The following TTN variants were observed in gnomAD, a reference collection of about 807,000 sequenced individuals.
The protein encoded by TTN is connectin.
Under a neutral mutation model 3,223.0 loss-of-function variants are expected in TTN, and 1,525 were observed. The observed-to-expected ratio is 0.47, with a 90% CI of 0.45 to 0.49. The LOEUF (loss-of-function observed/expected upper bound fraction) is 0.49. TTN is among the 20% of genes least tolerant of loss of function. The pLI is 0.00. For missense variants in TTN, 40,786 were observed against 43,424.0 expected, an observed-to-expected ratio of 0.94 and a Z score of 5.40; for synonymous variants, 14,094 against 15,161.0, an observed-to-expected ratio of 0.93 and a Z score of 5.17.
At chr2:178,744,362 G>T in intron 47 of TTN, 1 of 983,566 alleles carries the variant, frequency 1.0e-6, no homozygotes, top group Non-Finnish European at 1.2e-6. Flanking sequence ...ATTGTTGAAT[G>T]ATCACCTCTA....
At chr2:178,710,550 C>T in intron 98 of TTN, 85 bp downstream of exon 98, 1 of 1,435,574 alleles carries the variant, frequency 7.0e-7, no homozygotes, top group South Asian at 1.5e-5. Flanking sequence ...TCCTAAATTG[C>T]ATTCATCATC....
intron 223 of TTN, 26 bp downstream of exon 223, chr2:178,639,673 C>G (rs1233206760): frequency 6.2e-7 from 1 of 1,607,994 alleles, no homozygotes; most frequent in Admixed American, 1.7e-5. Flanking sequence ...AACAAACTAG[C>G]AAAAAGAAAG....
At chr2:178,689,675 G>C in intron 122 of TTN, 80 bp from the exon 123 acceptor site, 1 of 1,451,920 alleles carries the variant, frequency 6.9e-7, no homozygotes, top group Non-Finnish European at 9.4e-7. Flanking sequence ...AAAGCAGACG[G>C]GTGGACAGAC....
At position 178,722,735 on chromosome 2, in the gene TTN, A is replaced by C; in HGVS notation, c.22164T>G (p.Asn7388Lys). The C allele has an allele frequency of 6.2e-7, 1 of 1,613,200 alleles. No individual in the cohort carries two copies. The highest frequency in any genetic ancestry group is 8.5e-7 in the Non-Finnish European group (1 of 1,179,496). Residue 7388 changes from asparagine (N) to lysine (K), a missense_variant, in exon 76 of 363, where the codon AAT (asparagine) becomes AAG (lysine). Transcript: ENST00000589042. ...CTTTGCATGTGTACTCTCCACTGTC[A>C]TTGATGTTCACTTTATTAAAAACAA... ...ATLVFNKVNI[N>K]DSGEYTCKAE...
In TTN at chr2:178,582,955, T is replaced by A; in HGVS notation, c.65848A>T (p.Lys21950Ter). The A allele has an allele frequency of 6.5e-7, 1 of 1,536,506 alleles. No homozygotes were observed. Among genetic ancestry groups the A allele is most frequent in the Non-Finnish European group, 8.8e-7 (1 of 1,140,404 alleles). Residue 21950 changes from lysine to a stop codon, truncating the protein, a stop_gained, in exon 313 of 363, where the codon AAG becomes TAG. Transcript: ENST00000589042. LOFTEE classifies it high-confidence loss of function. ...TATTAGTTACCTAACACTTTAAGCT[T>A]AATGGTGGCTGATTTAGAACCACTT... ...NSSGSKSATI[K>*]LKVLDKPGPP...
Position 178,577,642 on chromosome 2 carries a change from T to C in TTN, c.68784A>G (p.Pro22928=), listed in dbSNP as rs2154173941. Residue 22928 remains proline, a synonymous_variant, in exon 323 of 363, where the codon CCA becomes CCG. Coordinates refer to ENST00000589042, the MANE Select transcript of TTN (RefSeq NM_001267550.2). ...AKNTAGAISA[P]SESTETIICK... ...AAATAATGGTTTCTGTACTTTCTGA[T>C]GGAGCACTGATAGCACCTGCTGTAT... 1 of 1,612,896 alleles carries C rather than the reference T, an allele frequency of 6.2e-7. No homozygotes were observed. The highest frequency in any genetic ancestry group is 8.5e-7 in the Non-Finnish European group (1 of 1,179,422).
At chr2:178,675,272 A>G (rs900771421) in intron 149 of TTN, 159 bp from the exon 150 acceptor site, 13 of 491,840 alleles carry the variant, frequency 2.6e-5, no homozygotes, top group Non-Finnish European at 4.2e-5. Flanking sequence ...AGAAAAGAAT[A>G]AAAAGGTTTG....
chr2:178,650,000 A>C, intron 210 of TTN, 106 bp from the exon 211 acceptor site: 1 of 1,388,798 alleles, frequency 7.2e-7, no homozygotes, highest in Non-Finnish European at 1.0e-6. Context: ...TGTGGGACCA[A>C]ATTCTGTGGG....
rs1060500482 is a variant in TTN at position 178,709,652 on chromosome 2, G to A, written c.28667C>T (p.Ala9556Val). 8 of 1,613,888 alleles carry A rather than the reference G, an allele frequency of 5.0e-6. No individual in the cohort carries two copies. The highest frequency in any genetic ancestry group is 1.1e-5 in the South Asian group (1 of 91,084). The stretch of plus-strand genomic sequence containing the variant: ...GTACAAACCAGCGTCGTTCATGCCT[G>A]CTTTCCTGACTTGCAGCACTAACGT... Reference protein sequence around the residue: ...NNTLVLQVRKAGMNDAGLYTC... With the variant: ...NNTLVLQVRKVGMNDAGLYTC... Residue 9556 changes from alanine to valine, a missense_variant, in exon 99 of 363, where the codon GCA becomes GTA. By Grantham distance (64) the Ala-to-Val change is moderately conservative. Transcript: ENST00000589042.
rs774842728 is a variant in TTN, at chr2:178,672,676, A to T, written c.34814T>A (p.Val11605Glu). The T allele has an allele frequency of 1.9e-6, 3 of 1,608,890 alleles. No homozygotes were observed. The highest frequency in any genetic ancestry group is 2.5e-6 in the Non-Finnish European group (3 of 1,177,140). ...CTCTTTTTTCTGAACAGGAACAGGTACTTTTTCCTCAGGAATTTTCTTTGA... is the reference window on the plus strand; with the variant it reads ...CTCTTTTTTCTGAACAGGAACAGGTTCTTTTTCCTCAGGAATTTTCTTTGA... ...KVSKKIPEEK[V>E]PVPVQKKEAP... The change falls in exon 153 of 363, where the codon GTA becomes GAA. Residue 11605 changes from valine to glutamate, a missense_variant. Physicochemically the swap from Val to Glu is moderately radical, Grantham distance 121. Coordinates refer to ENST00000589042, the MANE Select transcript of TTN (RefSeq NM_001267550.2).
Position 178,677,506 on chromosome 2 carries a change from G to A in TTN, c.34291+115C>T, listed in dbSNP as rs2742349. 107,043 of 1,088,522 alleles carry A rather than the reference G, an allele frequency of 0.098. 11,347 individuals are homozygous for A. The highest frequency in any genetic ancestry group is 0.46 in the African/African-American group (28,658 of 61,798). 67.4% of individuals were successfully genotyped at this position (1,088,522 alleles called of 1,614,324 possible). ...GTCTGGAATGTTTTCTAAGATTTAG[G>A]TGGTCAATCACAGAGGGTAAAGGAT... On this transcript the variant is annotated intron_variant, in intron 146 of 362. Coordinates refer to ENST00000589042, the MANE Select transcript of TTN (RefSeq NM_001267550.2).
chr2:178,622,082 T>C, intron 243 of TTN, 74 bp from the exon 244 acceptor site: 2 of 1,405,412 alleles, frequency 1.4e-6, no homozygotes, highest in African/African-American at 1.4e-5. Context: ...AAAACTATGA[T>C]CCTGAGTTTT....
Position 178,740,213 on chromosome 2 carries a change from C to G in TTN, c.13020G>C (p.Leu4340=). 6.2e-7 allele frequency: 1 copy of G among 1,613,622 alleles called. No individual in the cohort carries two copies. The highest frequency in any genetic ancestry group is 8.5e-7 in the Non-Finnish European group (1 of 1,179,768). Residue 4340 remains leucine (L), a synonymous_variant, in exon 48 of 363, where the codon CTG becomes CTC. Transcript: ENST00000589042. ...CGTTGTCAGAATGCTCTTCTTTGAG[C>G]AGTACCTGCTTTTCTTCAAGTGCTA... ...FPLALEEKQV[L]LKEEHSDNVV...
chr2:178,730,846 TTTTG>T lies in TTN; in HGVS notation c.17741-58_17741-55del, dbSNP rs1477771303. 5 of 1,527,052 alleles carry T rather than the reference TTTTG, an allele frequency of 3.3e-6. No individual in the cohort carries two copies. The South Asian group carries it at 5.3e-5, about 16-fold the overall frequency. The allele number at this position is 1,527,052 out of a possible 1,614,324, so 94.6% of individuals were successfully genotyped here. A position where few individuals can be genotyped will look rare whatever the true frequency, so the allele number is the denominator to read the frequency against. ...AAAAAAGGTCAATCTACTAATTTGT[TTTTG>T]TTTTTTTTTTTAAATTTTAAGGGAA... On this transcript the variant is annotated intron_variant, in intron 60 of 362. Coordinates refer to ENST00000589042, the MANE Select transcript of TTN (RefSeq NM_001267550.2).
Position 178,684,316 on chromosome 2 carries a change from A to T in TTN, c.32722+14T>A. On this transcript the variant is annotated intron_variant, in intron 132 of 362. Coordinates refer to ENST00000589042, the MANE Select transcript of TTN (RefSeq NM_001267550.2). The stretch of plus-strand genomic sequence containing the variant: ...GCAAGTACAATATTGTGCATAATGG[A>T]AGGGCGGATGTACCTCTTGCTTTTG... The T allele has an allele frequency of 6.2e-7, 1 of 1,612,184 alleles. No individual in the cohort carries two copies. The highest frequency in any genetic ancestry group is 1.1e-5 in the South Asian group (1 of 90,744).
At position 178,570,124 on chromosome 2, in the gene TTN, A is replaced by G. The variant is rs753952895; in HGVS notation, c.76008T>C (p.Ile25336=). Residue 25336 remains isoleucine, a synonymous_variant, in exon 326 of 363, where the codon ATT becomes ATC. Coordinates refer to ENST00000589042, the MANE Select transcript of TTN (RefSeq NM_001267550.2). ...CCCGTTTCTCAAGAACATATCCAAG[A>G]ATTTCACTACCACCATCAGATGCTG... ...ERPASDGGSE[I]LGYVLEKRDK... 1.1e-5 allele frequency: 18 copies of G among 1,613,460 alleles called. No individual in the cohort carries two copies. Among genetic ancestry groups the G allele is most frequent in the Non-Finnish European group, 1.5e-5 (18 of 1,179,616 alleles).
chr2:178,741,600 A>T lies in TTN; in HGVS notation c.11633T>A (p.Ile3878Asn). 6.2e-7 allele frequency: 1 copy of T among 1,613,864 alleles called. No individual in the cohort carries two copies. Among genetic ancestry groups the T allele is most frequent in the Middle Eastern group, 1.6e-4 (1 of 6,062 alleles). ...ATCCTCCAATTTGGTGAACAGAATG[A>T]TCAGGCTATGATCATCACCGTCAAA... ...FVFDGDDHSLIILFTKLEDEG... is the reference protein window; with the variant it reads ...FVFDGDDHSLNILFTKLEDEG... The change falls in exon 48 of 363, where the codon ATC (isoleucine) becomes AAC (asparagine). Residue 3878 changes from isoleucine to asparagine, a missense_variant. Coordinates refer to ENST00000589042, the MANE Select transcript of TTN (RefSeq NM_001267550.2).
chr2:178,734,637 AT>A, intron 51 of TTN, 31 bp from the exon 52 acceptor site: 1 of 1,561,820 alleles, frequency 6.4e-7, no homozygotes, highest in Non-Finnish European at 8.7e-7. Context: ...TGTGTAAGTA[AT>A]GGGTAATAAG....
At chr2:178,527,823 G>A in intron 361 of TTN, 75 bp from the exon 362 acceptor site, 2 of 1,406,538 alleles carry the variant, frequency 1.4e-6, no homozygotes, top group Non-Finnish European at 1.9e-6. Flanking sequence ...CTGACTTACA[G>A]AAATGGAAAC....
Sources: gnomAD v4.1 joint callset for allele counts on GRCh38, gnomAD v4.1.1 for gene constraint, MANE v1.5 for transcripts, NCBI Gene and HGNC (gene_info 2026-07-23, HGNC 2026-07-21) for gene names.